The following STRN3 variants were observed in gnomAD, a reference collection of about 807,000 sequenced individuals.
The protein encoded by STRN3 is striatin-3.
A neutral mutation model predicts 95.6 loss-of-function variants in STRN3; 29 were observed. The observed-to-expected ratio is 0.30, with a 90% confidence interval of 0.23 to 0.41. The LOEUF is 0.41. STRN3 is among the 10% of genes least tolerant of loss of function. The pLI, the probability that STRN3 is intolerant of heterozygous loss-of-function variation, is 1.00. For missense variants in STRN3, 890 were observed against 972.1 expected (o/e 0.92, Z 1.12); for synonymous variants, 331 against 357.6 (o/e 0.93, Z 0.84).
At chr14:31,002,470 C>CACA (rs1882508979) in intron 1 of STRN3, among the ~76,000 whole-genome samples, 3 of 81,616 alleles carry the variant, frequency 3.7e-5, no homozygotes, top group Non-Finnish European at 7.2e-5. Context: ...GACTCTGTCT[C>CACA]AAAAAAAAAA....
chr14:30,965,670 CAGGCAT>C (rs758095432), intron 1 of STRN3, among the ~76,000 whole-genome samples: 9 of 150,874 alleles, frequency 6.0e-5, no homozygotes, highest in Non-Finnish European at 1.2e-4. Flanking sequence ...AAAAATTAGC[CAGGCAT>C]AGTGGCAGGT....
At chr14:30,924,217 A>AAT (rs1896954348) in intron 8 of STRN3, among the ~76,000 whole-genome samples, 1 of 71,200 alleles carries the variant, frequency 1.4e-5, no homozygotes, top group African/African-American at 5.7e-5. Context: ...CTACTCAAAA[A>AAT]AAAAAAAACA....
chr14:30,968,223 T>C (rs745789314), intron 1 of STRN3, among the ~76,000 whole-genome samples: 27 of 151,134 alleles, frequency 1.8e-4, no homozygotes, highest in Non-Finnish European at 3.4e-4. Context: ...TCTAATCTTA[T>C]GGCCTTAGAC....
intron 1 of STRN3, among the ~76,000 whole-genome samples, chr14:31,013,163 G>C (rs79044132): frequency 6.6e-6 from 1 of 151,800 alleles, no homozygotes; most frequent in African/African-American, 2.4e-5. Flanking sequence ...AAACTTTGGA[G>C]GCTGAGGTGG....
intron 1 of STRN3, among the ~76,000 whole-genome samples, chr14:31,013,895 T>TTGAGACAGAGTGTC (rs1466069772): frequency 3.4e-5 from 5 of 145,392 alleles, no homozygotes; most frequent in Non-Finnish European, 6.0e-5. Context: ...TTATTATTAT[T>TTGAGACAGAGTGTC]ATTATTATTA....
At chr14:30,989,126 T>C (rs1365412151) in intron 1 of STRN3, among the ~76,000 whole-genome samples, 2 of 152,234 alleles carry the variant, frequency 1.3e-5, no homozygotes, top group East Asian at 3.9e-4. Flanking sequence ...CCACAGAAAG[T>C]AGTCTGGTCA....
intron 1 of STRN3, among the ~76,000 whole-genome samples, chr14:30,984,137 A>ACCCCCCC (rs1555324188): frequency 1.8e-5 from 1 of 56,152 alleles, no homozygotes; most frequent in Non-Finnish European, 3.7e-5. Flanking sequence ...GCCCCCCCCA[A>ACCCCCCC]CCCCCCCCCA....
At position 30,947,189 on chromosome 14, in the gene STRN3, A is replaced by C; in HGVS notation, c.617T>G (p.Leu206Arg). The C allele has an allele frequency of 2.5e-6, 4 of 1,613,394 alleles. No individual in the cohort carries two copies. The highest frequency in any genetic ancestry group is 1.1e-5 in the South Asian group (1 of 90,984). Residue 206 changes from leucine (L) to arginine (R), a missense_variant, in exon 5 of 18, where the codon CTA (leucine) becomes CGA (arginine). This residue lies in a region of STRN3 where 526 missense variants were observed against 526.3 expected (regional missense o/e 1.00). Transcript: ENST00000357479. Reference sequence around the variant, plus strand: ...TGATCCATTTGGTTCTGAATTAGATAGTCCAAGTAATGACCTTACCCGCTG... The same window carrying C: ...TGATCCATTTGGTTCTGAATTAGATCGTCCAAGTAATGACCTTACCCGCTG... ...RSQRVRSLLG[L>R]SNSEPNGSVE...
intron 1 of STRN3, among the ~76,000 whole-genome samples, chr14:30,995,840 G>A (rs1439534835): frequency 6.6e-6 from 1 of 152,176 alleles, no homozygotes; most frequent in Non-Finnish European, 1.5e-5. Flanking sequence ...TCCCCTTTCA[G>A]GAATGAAGGA....
In STRN3 at chr14:30,910,116, A is replaced by C. The variant is rs553337968; in HGVS notation, c.1720+925T>G. Among the ~76,000 whole-genome samples, 3 of 152,262 alleles carry C rather than the reference A, an allele frequency of 2.0e-5. No homozygotes were observed. The East Asian group carries it at 5.8e-4, about 29-fold the overall frequency. ...CACAGTCACCTTTTTAAAACCTTAC[A>C]TTTATCAGATAACTTTCTGGCTTAA... On this transcript the variant is annotated intron_variant, in intron 13 of 17. Coordinates refer to ENST00000357479, the MANE Select transcript of STRN3 (RefSeq NM_001083893.2).
Position 30,905,389 on chromosome 14 carries a change from G to C in STRN3, c.2029+29C>G, listed in dbSNP as rs778356954. On this transcript the variant is annotated intron_variant, in intron 15 of 17. Transcript: ENST00000357479. ...TCTATTGTGTAATAACCCTTTTTAA[G>C]GTTTCAAAGAAACTCCATGAAAACT... 5 of 1,563,902 alleles carry C rather than the reference G, an allele frequency of 3.2e-6. 1 individual carries two copies. The African/African-American group carries it at 6.9e-5, about 22-fold the overall frequency.
intron 1 of STRN3, among the ~76,000 whole-genome samples, chr14:31,002,740 G>A (rs990971173): frequency 6.6e-6 from 1 of 151,950 alleles, no homozygotes; most frequent in African/African-American, 2.4e-5. Context: ...GTCACAAAAA[G>A]GCATTTGTAT....
intron 7 of STRN3, among the ~76,000 whole-genome samples, chr14:30,929,967 A>AACAAAAAAAAAAAAAAAAAAAAAAAAAC (rs1555317335): frequency 5.5e-5 from 5 of 91,116 alleles, no homozygotes; most frequent in East Asian, 3.2e-4. Context: ...AAAAAAAAAA[A>AACAAAAAAAAAAAAAAAAAAAAAAAAAC]AAAAAAAAAA....
In STRN3 at chr14:31,020,590, G is replaced by A. The variant is rs1466394279; in HGVS notation, c.282+5314C>T. Among the ~76,000 whole-genome samples the A allele has an allele frequency of 2.6e-5, 4 of 152,000 alleles. No individual in the cohort carries two copies. The South Asian group carries it at 8.3e-4, about 32-fold the overall frequency. Reference sequence around the variant, plus strand: ...TTTCCTATCACCATTTATTCTCTCAGCATTCTGCTAATTTGTTGTAACATT... The same window carrying A: ...TTTCCTATCACCATTTATTCTCTCAACATTCTGCTAATTTGTTGTAACATT... On this transcript the variant is annotated intron_variant, in intron 1 of 17. Coordinates refer to ENST00000357479, the MANE Select transcript of STRN3 (RefSeq NM_001083893.2).
intron 8 of STRN3, among the ~76,000 whole-genome samples, chr14:30,923,358 T>G (rs1896931576): frequency 6.6e-6 from 1 of 152,118 alleles, no homozygotes; most frequent in South Asian, 2.1e-4. Flanking sequence ...GGGAGCTCAC[T>G]TATGATTTAT....
intron 1 of STRN3, among the ~76,000 whole-genome samples, chr14:30,989,383 T>C (rs1184679320): frequency 1.3e-5 from 2 of 152,210 alleles, no homozygotes; most frequent in African/African-American, 4.8e-5. Flanking sequence ...AATGATATAG[T>C]GACTATTTCT....
At chr14:30,958,876 T>C (rs1325482019) in intron 1 of STRN3, among the ~76,000 whole-genome samples, 3 of 152,124 alleles carry the variant, frequency 2.0e-5, no homozygotes, top group Non-Finnish European at 4.4e-5. Flanking sequence ...TTACCAACTA[T>C]CCACACTTAG....
chr14:30,902,716 C>T (rs1379740480), intron 15 of STRN3, 73 bp from the exon 16 acceptor site: 6 of 960,036 alleles, frequency 6.2e-6, no homozygotes, highest in East Asian at 2.6e-5. Flanking sequence ...CCTTTTTAAT[C>T]GTGCTAAAAT....
intron 1 of STRN3, among the ~76,000 whole-genome samples, chr14:31,004,196 A>G (rs1482278527): frequency 6.6e-6 from 1 of 151,924 alleles, no homozygotes; most frequent in African/African-American, 2.4e-5. Flanking sequence ...GAGAGGTGGG[A>G]AGATCACCTG....
Sources: gnomAD v4.1 joint callset for allele counts (sites outside exome capture counted in the v4.1 genomes callset) on GRCh38, gnomAD v4.1.1 for gene constraint, gnomAD v4.1.1 regional missense constraint, MANE v1.5 for transcripts, NCBI Gene and HGNC (gene_info 2026-07-23, HGNC 2026-07-21) for gene names.